NEK10: variants seen among roughly 807,000 people sequenced by gnomAD.
The protein encoded by NEK10 is serine/threonine-protein kinase Nek10.
A neutral mutation model predicts 159.8 loss-of-function variants in NEK10; 122 were observed. That is an observed-to-expected ratio of 0.76 (90% CI 0.66 to 0.89). The LOEUF (loss-of-function observed/expected upper bound fraction) is 0.89. Among genes scored for constraint, NEK10 ranks in the 40% least tolerant of loss-of-function variants. NEK10 has a pLI of 0.00. For missense variants in NEK10, 1,342 were observed against 1,323.1 expected (o/e 1.01, Z -0.22); for synonymous variants, 466 against 457.1 (o/e 1.02, Z -0.25).
rs112099966 is a variant in NEK10, at chr3:27,114,185, A to G, written c.3299+1755T>C. On this transcript the variant is annotated intron_variant, in intron 35 of 35. Transcript: ENST00000691995. The stretch of plus-strand genomic sequence containing the variant: ...GCTTTCTTCCTTCCAACTCAGTCCT[A>G]GCTCCCTTTTTCCCGGAAGCCCAGA... Among the ~76,000 whole-genome samples the G allele has an allele frequency of 3.3e-3, 502 of 152,240 alleles. 2 individuals carry two copies. The highest frequency in any genetic ancestry group is 6.0e-3 in the Non-Finnish European group (405 of 68,016).
intron 1 of NEK10, among the ~76,000 whole-genome samples, chr3:27,364,508 G>A (rs921214210): frequency 2.2e-4 from 33 of 152,054 alleles, no homozygotes; most frequent in Non-Finnish European, 7.4e-5. Context: ...GATTACAGGC[G>A]TGAGCCACAG....
At chr3:27,265,268 A>C (rs1453868011) in intron 22 of NEK10, among the ~76,000 whole-genome samples, 1 of 152,230 alleles carries the variant, frequency 6.6e-6, no homozygotes, top group Non-Finnish European at 1.5e-5. Flanking sequence ...TTGTGGGAAC[A>C]TAATTTTAAA....
intron 1 of NEK10, among the ~76,000 whole-genome samples, chr3:27,367,297 G>C (rs970259949): frequency 4.2e-4 from 64 of 152,304 alleles, no homozygotes; most frequent in Admixed American, 3.1e-3. Context: ...AAATGCTAGA[G>C]CTAGGATTCA....
chr3:27,257,788 C>CTTTTT (rs79727702), intron 22 of NEK10, among the ~76,000 whole-genome samples: 2 of 130,508 alleles, frequency 1.5e-5, no homozygotes, highest in African/African-American at 3.0e-5. Flanking sequence ...TTTCTTTTTT[C>CTTTTT]TTTTTTTTTT....
At chr3:27,290,820 G>GTCAATTTACATAACCCAGC in intron 18 of NEK10, 66 bp from the exon 19 acceptor site, 1 of 1,254,836 alleles carries the variant, frequency 8.0e-7, no homozygotes. Flanking sequence ...AGAGAAAGAG[G>GTCAATTTACATAACCCAGC]AAGAAAGAGA....
intron 21 of NEK10, 46 bp downstream of exon 21, chr3:27,284,794 A>G: frequency 6.4e-7 from 1 of 1,552,260 alleles, no homozygotes; most frequent in Non-Finnish European, 8.9e-7. Flanking sequence ...AAGCCAGCTC[A>G]GAACATTACT....
chr3:27,162,871 TTTAA>T (rs1240642826), intron 29 of NEK10, 133 bp from the exon 30 acceptor site: 214 of 1,172,790 alleles, frequency 1.8e-4, no homozygotes, highest in Non-Finnish European at 2.4e-4. Flanking sequence ...CTCTCAAGAG[TTTAA>T]TTAAGAGGGA....
Position 27,226,325 on chromosome 3 carries a change from G to A in NEK10, c.2091-23768C>T, listed in dbSNP as rs189320661. Among the ~76,000 whole-genome samples, 47 of 151,920 alleles carry A rather than the reference G, an allele frequency of 3.1e-4. No individual in the cohort carries two copies. The East Asian group carries it at 8.3e-3, about 27-fold the overall frequency. Reference sequence around the variant, plus strand: ...CTCCCAAAGTGCTAGGATTACAGGCGTGAGCCACCGTGCCTGGCCACAGTT... The same window carrying A: ...CTCCCAAAGTGCTAGGATTACAGGCATGAGCCACCGTGCCTGGCCACAGTT... On this transcript the variant is annotated intron_variant, in intron 23 of 35. Coordinates refer to ENST00000691995, the MANE Select transcript of NEK10 (RefSeq NM_001394966.1).
chr3:27,252,141 A>G, intron 23 of NEK10: 1 of 400,670 alleles, frequency 2.5e-6, no homozygotes, highest in South Asian at 2.0e-5. Context: ...AGGAGACGCA[A>G]GTCCTATGCT....
intron 26 of NEK10, among the ~76,000 whole-genome samples, chr3:27,184,815 C>T (rs908842454): frequency 5.3e-5 from 8 of 152,236 alleles, no homozygotes; most frequent in Admixed American, 2.6e-4. Flanking sequence ...TTTAAAAATA[C>T]ATCATTTTCT....
intron 11 of NEK10, among the ~76,000 whole-genome samples, chr3:27,307,256 C>T (rs932112658): frequency 6.6e-6 from 1 of 152,150 alleles, no homozygotes; most frequent in African/African-American, 2.4e-5. Flanking sequence ...GGCTCCATTG[C>T]TGGAGATTTC....
At chr3:27,365,588 GT>G (rs1362482083) in intron 1 of NEK10, among the ~76,000 whole-genome samples, 1 of 116,284 alleles carries the variant, frequency 8.6e-6, no homozygotes, top group Non-Finnish European at 1.8e-5. Context: ...TTTTGTTTTG[GT>G]TTTTTGTGTT....
intron 6 of NEK10, among the ~76,000 whole-genome samples, chr3:27,317,455 A>T (rs1016013792): frequency 3.0e-4 from 45 of 152,314 alleles, no homozygotes; most frequent in Non-Finnish European, 4.6e-4. Context: ...TGACTTGGAG[A>T]AAGTTCCCTG....
intron 14 of NEK10, among the ~76,000 whole-genome samples, chr3:27,296,475 T>G (rs1319825340): frequency 6.6e-6 from 1 of 152,198 alleles, no homozygotes; most frequent in Non-Finnish European, 1.5e-5. Context: ...GAGTTTCTCT[T>G]ATGTCCTAAT....
chr3:27,252,278 T>C, intron 23 of NEK10: 1 of 482,252 alleles, frequency 2.1e-6, no homozygotes, highest in Non-Finnish European at 4.2e-6. Context: ...GGGCAAGTGA[T>C]CAGGGAAATC....
chr3:27,159,741 T>C (rs180844333), intron 30 of NEK10, among the ~76,000 whole-genome samples: 1 of 152,154 alleles, frequency 6.6e-6, no homozygotes, highest in East Asian at 1.9e-4. Context: ...TAAAATAGTT[T>C]CATTGTTATT....
intron 23 of NEK10, among the ~76,000 whole-genome samples, chr3:27,232,518 C>T (rs1953408733): frequency 6.6e-6 from 1 of 151,768 alleles, no homozygotes; most frequent in Admixed American, 6.6e-5. Flanking sequence ...AATGGAATTT[C>T]CATCAAAATA....
chr3:27,123,486 T>G (rs1941565083), intron 32 of NEK10, among the ~76,000 whole-genome samples: 1 of 152,226 alleles, frequency 6.6e-6, no homozygotes. Flanking sequence ...GCATTCATGA[T>G]GAAATGAGGA....
chr3:27,288,353 C>A (rs2042764968), intron 19 of NEK10, among the ~76,000 whole-genome samples: 1 of 152,210 alleles, frequency 6.6e-6, no homozygotes, highest in Admixed American at 6.5e-5. Flanking sequence ...TAGGCCTCAT[C>A]CTTGGTCTGT....
Sources: gnomAD v4.1 joint callset for allele counts (sites outside exome capture counted in the v4.1 genomes callset) on GRCh38, gnomAD v4.1.1 for gene constraint, MANE v1.5 for transcripts, NCBI Gene and HGNC (gene_info 2026-07-23, HGNC 2026-07-21) for gene names.